ARK2N: variants seen among roughly 807,000 people sequenced by gnomAD.
ARK2N encodes the protein arkadia (RNF111) N-terminal like PKA signaling regulator 2N.
chr18:46,191,863 G>T, the ARK2N span, among the ~76,000 whole-genome samples: 3 of 152,092 alleles, frequency 2.0e-5, no homozygotes, highest in South Asian at 6.2e-4. Flanking sequence ...TTGATCTGTT[G>T]TCTCTATAGT....
At chr18:46,231,508 G>C in the ARK2N span, among the ~76,000 whole-genome samples, 3 of 145,328 alleles carry the variant, frequency 2.1e-5, no homozygotes, top group African/African-American at 7.6e-5. Context: ...TATAAACCTA[G>C]TTATGGTAAT....
chr18:46,266,943 A>G, the ARK2N span: 1 of 152,086 alleles, frequency 6.6e-6, no homozygotes, highest in Non-Finnish European at 1.5e-5. Context: ...TGTAGCATAA[A>G]GGTTAAACTA....
At chr18:46,179,021 C>T in the ARK2N span, among the ~76,000 whole-genome samples, 11 of 152,184 alleles carry the variant, frequency 7.2e-5, no homozygotes, top group East Asian at 1.7e-3. Flanking sequence ...CTGCTCACAG[C>T]AACCTCTGCC....
the ARK2N span, among the ~76,000 whole-genome samples, chr18:46,256,659 G>A: frequency 1.3e-5 from 2 of 152,168 alleles, no homozygotes; most frequent in East Asian, 1.9e-4. Flanking sequence ...CTGGGAAATC[G>A]TATCTTGTAG....
chr18:46,177,796 C>A, the ARK2N span, among the ~76,000 whole-genome samples: 2 of 151,942 alleles, frequency 1.3e-5, no homozygotes, highest in Non-Finnish European at 2.9e-5. Context: ...TTAGTCCCTG[C>A]TGCTTGTGGG....
chr18:46,207,317 A>G, the ARK2N span, among the ~76,000 whole-genome samples: 1 of 152,070 alleles, frequency 6.6e-6, no homozygotes, highest in Non-Finnish European at 1.5e-5. Flanking sequence ...TAGGTAGCTG[A>G]AGTACTGATT....
chr18:46,200,091 T>TGTGC, the ARK2N span, among the ~76,000 whole-genome samples: 5 of 148,094 alleles, frequency 3.4e-5, no homozygotes, highest in South Asian at 2.1e-4. Flanking sequence ...TGTGTGTGTG[T>TGTGC]GCGCGCGCGT....
the ARK2N span, among the ~76,000 whole-genome samples, chr18:46,200,215 T>C: frequency 6.6e-6 from 1 of 152,186 alleles, no homozygotes; most frequent in Non-Finnish European, 1.5e-5. Flanking sequence ...CAATCAATTT[T>C]ATCAGTTTAT....
At chr18:46,253,607 C>T in the ARK2N span, 2 of 1,463,802 alleles carry the variant, frequency 1.4e-6, no homozygotes, top group South Asian at 2.7e-5. Context: ...GTGACTAAAC[C>T]TAGATGACAA....
At chr18:46,184,147 C>T in the ARK2N span, among the ~76,000 whole-genome samples, 1,427 of 152,212 alleles carry the variant, frequency 9.4e-3, 27 homozygotes, top group African/African-American at 0.032. Flanking sequence ...CCTACCACCA[C>T]GCTTGGCTAA....
the ARK2N span, among the ~76,000 whole-genome samples, chr18:46,237,661 T>C: frequency 6.6e-6 from 1 of 152,218 alleles, no homozygotes; most frequent in South Asian, 2.1e-4. Flanking sequence ...GTACTTGGAT[T>C]ACAGGCGTGA....
the ARK2N span, chr18:46,265,867 C>T: frequency 6.6e-6 from 1 of 152,586 alleles, no homozygotes; most frequent in South Asian, 2.1e-4. Context: ...TCAGAGTAAT[C>T]TCTCTGCTAA....
the ARK2N span, among the ~76,000 whole-genome samples, chr18:46,186,858 CTT>C: frequency 1.8e-4 from 23 of 129,874 alleles, no homozygotes; most frequent in Non-Finnish European, 2.0e-4. Flanking sequence ...CTTACTACTA[CTT>C]TTTTTTTTTT....
the ARK2N span, among the ~76,000 whole-genome samples, chr18:46,249,171 G>A: frequency 0.69 from 105,578 of 152,036 alleles, 37,099 homozygotes; most frequent in Non-Finnish European, 0.75. Flanking sequence ...CCTAGTCTGC[G>A]GCTTCATCCA....
At chr18:46,181,865 C>T in the ARK2N span, among the ~76,000 whole-genome samples, 9 of 150,796 alleles carry the variant, frequency 6.0e-5, no homozygotes, top group South Asian at 2.1e-4. Context: ...ATTTCAGCCT[C>T]TCATAGTGCT....
chr18:46,211,012 A>G, the ARK2N span, among the ~76,000 whole-genome samples: 1 of 152,162 alleles, frequency 6.6e-6, no homozygotes, highest in South Asian at 2.1e-4. Flanking sequence ...TACAAAGTAG[A>G]TTGGGAAGGA....
chr18:46,213,592 ATATT>A, the ARK2N span, among the ~76,000 whole-genome samples: 10 of 152,322 alleles, frequency 6.6e-5, no homozygotes, highest in East Asian at 1.5e-3. Context: ...GTCAGAAAAA[ATATT>A]TATGCTGATT....
the ARK2N span, among the ~76,000 whole-genome samples, chr18:46,258,754 C>T: frequency 1.3e-5 from 2 of 152,010 alleles, no homozygotes; most frequent in East Asian, 1.9e-4. Context: ...ATGTTCCTAC[C>T]TCATGTCTTT....
chr18:46,216,387 C>T, the ARK2N span: 9 of 1,614,070 alleles, frequency 5.6e-6, no homozygotes, highest in South Asian at 1.1e-5. This position sits in a 1 kb window ranked among gnomAD's most constrained non-coding sequence, Gnocchi z 4.3. Context: ...GCCGAGTCGC[C>T]AAGGTTAAAG....
Sources: gnomAD v4.1 joint callset for allele counts (sites outside exome capture counted in the v4.1 genomes callset) on GRCh38, gnomAD v4.1.1 for gene constraint, Gnocchi (gnomAD v3.1) non-coding constraint, MANE v1.5 for transcripts, NCBI Gene and HGNC (gene_info 2026-07-23, HGNC 2026-07-21) for gene names.